Variants in RHOBTB1 observed in about 807,000 individuals in gnomAD.
RHOBTB1 encodes the protein Rho related BTB domain containing 1.
A neutral mutation model predicts 71.6 loss-of-function variants in RHOBTB1; 40 were observed. The observed-to-expected ratio is 0.56, with a 90% CI of 0.43 to 0.73. RHOBTB1 has a LOEUF of 0.73. Among genes scored for constraint, RHOBTB1 ranks in the 30% least tolerant of loss-of-function variants. The pLI, the probability that RHOBTB1 is intolerant of heterozygous loss-of-function variation, is 0.00. For synonymous variants in RHOBTB1, 319 were observed against 334.9 expected, an observed-to-expected ratio of 0.95 and a Z score of 0.52; for missense variants, 797 against 894.0, an observed-to-expected ratio of 0.89 and a Z score of 1.38.
At chr10:60,932,647 T>C (rs2084329268) in intron 2 of RHOBTB1, among the ~76,000 whole-genome samples, 2 of 151,844 alleles carry the variant, frequency 1.3e-5, no homozygotes, top group South Asian at 2.1e-4. Context: ...AATCAAAATA[T>C]TGGTCAAGTC....
intron 1 of RHOBTB1, among the ~76,000 whole-genome samples, chr10:60,987,857 C>A (rs1276131413): frequency 6.7e-6 from 1 of 148,420 alleles, no homozygotes; most frequent in South Asian, 2.2e-4. Flanking sequence ...TAACCCCTGA[C>A]AAAAGTTGTT....
In RHOBTB1 at chr10:60,965,846, C is replaced by T. The variant is rs530374753; in HGVS notation, c.-62+19999G>A. ...GCTAACCTCAGGACATCTGATAGGA[C>T]ATTGTCTTGCCTTGTTGGCAATTTC... On this transcript the variant is annotated intron_variant, in intron 2 of 11. Coordinates refer to the RHOBTB1 transcript ENST00000357917. Among the ~76,000 whole-genome samples the T allele has an allele frequency of 2.6e-5, 4 of 152,178 alleles. No individual in the cohort carries two copies. In the South Asian group the frequency reaches 8.3e-4, roughly 32 times the overall value.
chr10:60,861,677 C>T, the RHOBTB1 span, among the ~76,000 whole-genome samples: 31 of 152,238 alleles, frequency 2.0e-4, no homozygotes, highest in African/African-American at 5.3e-4. Flanking sequence ...AGATAAATGC[C>T]ATTTTTGGAA....
intron 2 of RHOBTB1, among the ~76,000 whole-genome samples, chr10:60,963,224 A>G (rs531331180): frequency 6.6e-6 from 1 of 152,310 alleles, no homozygotes; most frequent in African/African-American, 2.4e-5. Flanking sequence ...CGCTCCATAC[A>G]GAGACCCAAA....
intron 2 of RHOBTB1, among the ~76,000 whole-genome samples, chr10:60,972,794 G>A (rs540706580): frequency 2.7e-4 from 41 of 152,058 alleles, no homozygotes; most frequent in Non-Finnish European, 5.9e-4. Context: ...GCAAGCTCAA[G>A]CTTAATCTAA....
At chr10:60,994,919 A>AAAAAC (rs148124919) in intron 1 of RHOBTB1, among the ~76,000 whole-genome samples, 6 of 151,806 alleles carry the variant, frequency 4.0e-5, no homozygotes, top group African/African-American at 7.3e-5. Context: ...AGATAAGTAA[A>AAAAAC]AAAACAAAAC....
At chr10:60,921,387 T>C (rs1036551328) in intron 2 of RHOBTB1, among the ~76,000 whole-genome samples, 2 of 152,226 alleles carry the variant, frequency 1.3e-5, no homozygotes, top group Non-Finnish European at 2.9e-5. Context: ...ATGGTGCCTC[T>C]GACAGGCAGA....
At chr10:60,866,427 C>A (rs896630167), downstream of RHOBTB1, among the ~76,000 whole-genome samples, 3 of 152,090 alleles carry the variant, frequency 2.0e-5, no homozygotes, top group Admixed American at 2.0e-4. Flanking sequence ...TATAAAGAAA[C>A]CCATGTTTAA....
intron 2 of RHOBTB1, among the ~76,000 whole-genome samples, chr10:60,919,938 C>A (rs1443866076): frequency 6.6e-6 from 1 of 152,150 alleles, no homozygotes; most frequent in East Asian, 1.9e-4. Flanking sequence ...TCATTTATTT[C>A]TTGAAAAAAT....
chr10:60,912,573 T>G (rs545796579), intron 2 of RHOBTB1, among the ~76,000 whole-genome samples: 2 of 152,188 alleles, frequency 1.3e-5, no homozygotes, highest in East Asian at 3.9e-4. Context: ...AAAGCAAGAT[T>G]CAAAAAAATT....
intron 4 of RHOBTB1, among the ~76,000 whole-genome samples, chr10:60,893,577 A>AG (rs1381564942): frequency 6.6e-6 from 1 of 152,218 alleles, no homozygotes; most frequent in African/African-American, 2.4e-5. Flanking sequence ...CTGAATTTGC[A>AG]GGAATTTTGA....
At chr10:60,975,821 A>G (rs575416330) in intron 2 of RHOBTB1, among the ~76,000 whole-genome samples, 291 of 152,238 alleles carry the variant, frequency 1.9e-3, no homozygotes, top group Non-Finnish European at 3.1e-3. Flanking sequence ...CACTGTAATA[A>G]TGGGTTCTGA....
rs1213206991 is a variant in RHOBTB1 at position 60,911,412 on chromosome 10, T to G, written c.131A>C (p.Gln44Pro). 1.9e-6 allele frequency: 3 copies of G among 1,614,182 alleles called. No homozygotes were observed. In the South Asian group the frequency reaches 3.3e-5, roughly 18 times the overall value. Reference sequence around the variant, plus strand: ...TGTTGGCACGTGGGTGGCCAGCAGCTGATACTGCGTGAGTGTGGTGTTGCA... The same window carrying G: ...TGTTGGCACGTGGGTGGCCAGCAGCGGATACTGCGTGAGTGTGGTGTTGCA... ...RACNTTLTQY[Q>P]LLATHVPTVW... Residue 44 changes from glutamine to proline, a missense_variant, in exon 3 of 11, where the codon CAG becomes CCG. Physicochemically the swap from Gln to Pro is moderately conservative, Grantham distance 76 (BLOSUM62 -1). This residue lies in a region of RHOBTB1 where 139 missense variants were observed against 212.5 expected (regional missense o/e 0.65). Transcript: ENST00000337910.
chr10:60,899,335 G>A (rs7097615), intron 4 of RHOBTB1, among the ~76,000 whole-genome samples: 40,765 of 152,118 alleles, frequency 0.27, 6,118 homozygotes, highest in East Asian at 0.45. Flanking sequence ...TTTCAACTCC[G>A]TCTGGAGTTC....
upstream of RHOBTB1, among the ~76,000 whole-genome samples, chr10:60,944,917 C>T (rs1258494499): frequency 6.6e-6 from 1 of 152,134 alleles, no homozygotes; most frequent in Non-Finnish European, 1.5e-5. Context: ...TTATAACCTC[C>T]TGCAAATGGC....
intron 6 of RHOBTB1, among the ~76,000 whole-genome samples, chr10:60,887,533 T>A (rs1194014280): frequency 1.3e-5 from 2 of 152,202 alleles, no homozygotes; most frequent in African/African-American, 2.4e-5. Context: ...CCAGCATGCT[T>A]AACAATTATG....
chr10:60,971,098 A>T (rs2086139585), intron 2 of RHOBTB1, among the ~76,000 whole-genome samples: 2 of 152,086 alleles, frequency 1.3e-5, no homozygotes, highest in Admixed American at 1.3e-4. Flanking sequence ...GTAATTAATA[A>T]TAATAACATG....
At chr10:60,954,478 CT>C (rs1474391779) in intron 2 of RHOBTB1, among the ~76,000 whole-genome samples, 1 of 152,118 alleles carries the variant, frequency 6.6e-6, no homozygotes, top group Non-Finnish European at 1.5e-5. Context: ...TTATTATTTA[CT>C]CACTGATTGC....
intron 4 of RHOBTB1, among the ~76,000 whole-genome samples, chr10:60,898,925 T>C (rs545521654): frequency 1.3e-5 from 2 of 152,220 alleles, no homozygotes; most frequent in African/African-American, 4.8e-5. Context: ...AACCCTAAGG[T>C]AGATAATATT....
Sources: gnomAD v4.1 joint callset for allele counts (sites outside exome capture counted in the v4.1 genomes callset) on GRCh38, gnomAD v4.1.1 for gene constraint, gnomAD v4.1.1 regional missense constraint, MANE v1.5 for transcripts, NCBI Gene and HGNC (gene_info 2026-07-23, HGNC 2026-07-21) for gene names.